The following AUTS2 variants were observed in gnomAD, a reference collection of about 807,000 sequenced individuals.
The protein encoded by AUTS2 is activator of transcription and developmental regulator AUTS2.
A neutral mutation model predicts 112.4 loss-of-function variants in AUTS2; 17 were observed. The observed-to-expected ratio is 0.15, with a 90% CI of 0.10 to 0.23. The LOEUF (loss-of-function observed/expected upper bound fraction) is 0.23. AUTS2 is among the 10% of genes least tolerant of loss of function. AUTS2 has a pLI of 1.00. For missense variants in AUTS2, 1,510 were observed against 1,701.6 expected, an observed-to-expected ratio of 0.89 and a Z score of 1.98; for synonymous variants, 751 against 702.7, an observed-to-expected ratio of 1.07 and a Z score of -1.09.
chr7:69,667,886 A>C (rs1309066965), intron 1 of AUTS2, among the ~76,000 whole-genome samples: 2 of 152,102 alleles, frequency 1.3e-5, no homozygotes, highest in African/African-American at 4.8e-5. Context: ...CTCTCCATAA[A>C]ACAATGTGTA....
chr7:70,289,399 ACT>A (rs374347011), intron 4 of AUTS2, among the ~76,000 whole-genome samples: 1 of 152,248 alleles, frequency 6.6e-6, no homozygotes, highest in African/African-American at 2.4e-5. Context: ...GTGCCTATTC[ACT>A]CACCATTCAA....
At chr7:70,131,729 T>C (rs1252102204) in intron 3 of AUTS2, among the ~76,000 whole-genome samples, 1 of 152,046 alleles carries the variant, frequency 6.6e-6, no homozygotes, top group African/African-American at 2.4e-5. Flanking sequence ...AGATTATAAA[T>C]ATATGACAGA....
chr7:70,509,789 A>C (rs1217716711), intron 5 of AUTS2, among the ~76,000 whole-genome samples: 1 of 152,162 alleles, frequency 6.6e-6, no homozygotes, highest in Admixed American at 6.5e-5. Flanking sequence ...CACTTGTTTG[A>C]GACAATGCCC....
intron 6 of AUTS2, among the ~76,000 whole-genome samples, chr7:70,755,897 T>A (rs2129555974): frequency 6.6e-6 from 1 of 152,106 alleles, no homozygotes; most frequent in Admixed American, 6.5e-5. Flanking sequence ...AATAACTATA[T>A]ATAATTATTT....
chr7:70,456,428 T>C (rs536299786), intron 5 of AUTS2, among the ~76,000 whole-genome samples: 1 of 152,354 alleles, frequency 6.6e-6, no homozygotes, highest in South Asian at 2.1e-4. Flanking sequence ...TCATGTGCAA[T>C]TTGGGAGAAA....
intron 1 of AUTS2, among the ~76,000 whole-genome samples, chr7:69,710,592 A>G (rs1349649240): frequency 2.6e-5 from 4 of 152,232 alleles, no homozygotes; most frequent in East Asian, 3.8e-4. Context: ...GTGTCCTCAC[A>G]TATGCCGATT....
intron 4 of AUTS2, among the ~76,000 whole-genome samples, chr7:70,364,609 AT>A (rs1792477869): frequency 4.0e-5 from 6 of 150,342 alleles, no homozygotes; most frequent in Non-Finnish European, 7.4e-5. Context: ...AAATAAATAA[AT>A]AAATAAAAAT....
At chr7:70,486,529 A>T (rs1405337712) in intron 5 of AUTS2, among the ~76,000 whole-genome samples, 3 of 152,292 alleles carry the variant, frequency 2.0e-5, no homozygotes, top group East Asian at 3.9e-4. Context: ...TGAGGTCAGG[A>T]GTTCGAGACC....
At chr7:70,248,999 G>T (rs1254209827) in intron 4 of AUTS2, among the ~76,000 whole-genome samples, 1 of 152,030 alleles carries the variant, frequency 6.6e-6, no homozygotes, top group Non-Finnish European at 1.5e-5. Context: ...ATTTTTTAGA[G>T]AATTTTTACT....
At chr7:70,326,693 T>C (rs920127443) in intron 4 of AUTS2, among the ~76,000 whole-genome samples, 2 of 152,134 alleles carry the variant, frequency 1.3e-5, no homozygotes, top group Non-Finnish European at 2.9e-5. Context: ...ATCAAGTCTA[T>C]TTTACTCTAA....
At chr7:69,759,823 TG>T (rs1438756202) in intron 1 of AUTS2, among the ~76,000 whole-genome samples, 1 of 112,310 alleles carries the variant, frequency 8.9e-6, no homozygotes, top group African/African-American at 3.5e-5. Flanking sequence ...TGGGCGAACC[TG>T]GAAGCTGAAC....
chr7:69,796,734 A>G (rs1305173391), intron 1 of AUTS2, among the ~76,000 whole-genome samples: 1 of 152,172 alleles, frequency 6.6e-6, no homozygotes, highest in African/African-American at 2.4e-5. Flanking sequence ...TTTTTGTTAT[A>G]GAGTGGTAAC....
intron 5 of AUTS2, among the ~76,000 whole-genome samples, chr7:70,628,740 A>G (rs1023223232): frequency 2.0e-5 from 3 of 152,134 alleles, no homozygotes; most frequent in Admixed American, 2.0e-4. Flanking sequence ...TTCAAAGGAG[A>G]TGATCAGGGC....
chr7:69,992,119 T>C (rs1411000547), intron 2 of AUTS2, among the ~76,000 whole-genome samples: 8 of 152,216 alleles, frequency 5.3e-5, no homozygotes, highest in African/African-American at 1.9e-4. Context: ...TTGCTAGTGT[T>C]CCCATCTGTT....
chr7:70,457,164 C>G lies in AUTS2; in HGVS notation c.690+21383C>G, dbSNP rs553743394. On this transcript the variant is annotated intron_variant, in intron 5 of 18. Coordinates refer to ENST00000342771, the MANE Select transcript of AUTS2 (RefSeq NM_015570.4). ...ACACAGCCTTACGTTCCCTTTCTTC[C>G]AGGCAGCTCAGTGTAGTGGAAACTA... Among the ~76,000 whole-genome samples, 3 of 152,308 alleles carry G rather than the reference C, an allele frequency of 2.0e-5. No individual in the cohort carries two copies. In the South Asian group the frequency reaches 6.2e-4, roughly 32 times the overall value.
chr7:69,828,258 G>C (rs1233635732), intron 1 of AUTS2, among the ~76,000 whole-genome samples: 1 of 152,212 alleles, frequency 6.6e-6, no homozygotes, highest in African/African-American at 2.4e-5. Context: ...CTGGACATGA[G>C]GGGAAATCTT....
chr7:70,542,943 G>A (rs1182076217), intron 5 of AUTS2, among the ~76,000 whole-genome samples: 2 of 152,190 alleles, frequency 1.3e-5, no homozygotes, highest in Non-Finnish European at 2.9e-5. Context: ...GAAAAAAATA[G>A]ATTCAGTTCC....
intron 4 of AUTS2, among the ~76,000 whole-genome samples, chr7:70,403,239 G>C (rs1171397327): frequency 8.5e-5 from 13 of 152,208 alleles, no homozygotes; most frequent in Admixed American, 8.5e-4. Context: ...AACAGGATGT[G>C]AGTCTTTCCA....
rs547786798 is a variant in AUTS2 at position 69,792,356 on chromosome 7, C to T, written c.310-106930C>T. ...CCGGGTTCATGCCATTCTCCTGCCT[C>T]AGCCTCCCGAGTAGCTGGGACTACA... On this transcript the variant is annotated intron_variant, in intron 1 of 18. Coordinates refer to ENST00000342771, the MANE Select transcript of AUTS2 (RefSeq NM_015570.4). Among the ~76,000 whole-genome samples the T allele has an allele frequency of 3.9e-5, 6 of 152,116 alleles. No individual in the cohort carries two copies. In the South Asian group the frequency reaches 1.2e-3, roughly 32 times the overall value.
Sources: gnomAD v4.1 joint callset for allele counts (sites outside exome capture counted in the v4.1 genomes callset) on GRCh38, gnomAD v4.1.1 for gene constraint, MANE v1.5 for transcripts, NCBI Gene and HGNC (gene_info 2026-07-23, HGNC 2026-07-21) for gene names.